GRAMD1B: variants seen among roughly 807,000 people sequenced by gnomAD.
The protein encoded by GRAMD1B is GRAM domain containing 1B, also known as protein Aster-B.
In GRAMD1B, 37 loss-of-function variants were observed where a neutral mutation model predicts 99.7. That is an observed-to-expected ratio of 0.37 (90% CI 0.29 to 0.49). The LOEUF (loss-of-function observed/expected upper bound fraction) is 0.49, where lower values mean the gene tolerates loss of function less well. GRAMD1B is among the 20% of genes least tolerant of loss of function. GRAMD1B has a pLI of 0.98. For synonymous variants in GRAMD1B, 427 were observed against 387.6 expected (o/e 1.10, Z -1.19); for missense variants, 888 against 1,009.2 (o/e 0.88, Z 1.63).
At chr11:123,594,316 C>T (rs927345428) in intron 5 of GRAMD1B, 150 bp downstream of exon 5, 2 of 655,114 alleles carry the variant, frequency 3.1e-6, no homozygotes, top group African/African-American at 3.6e-5. Flanking sequence ...CCCCAGCTGT[C>T]AGGGCTCGAG....
At chr11:123,554,587 G>A (rs1281522033) in intron 2 of GRAMD1B, among the ~76,000 whole-genome samples, 1 of 151,272 alleles carries the variant, frequency 6.6e-6, no homozygotes, top group Non-Finnish European at 1.5e-5. Flanking sequence ...GTGTGTGCCT[G>A]TAGCCCCAGC....
At chr11:123,513,185 T>C (rs1426579283) in intron 2 of GRAMD1B, among the ~76,000 whole-genome samples, 2 of 152,230 alleles carry the variant, frequency 1.3e-5, no homozygotes, top group Non-Finnish European at 2.9e-5. Context: ...TTCCCAGAAT[T>C]TCCCCTAGCC....
chr11:123,418,856 T>C (rs538368791), intron 1 of GRAMD1B, among the ~76,000 whole-genome samples: 2 of 152,296 alleles, frequency 1.3e-5, no homozygotes, highest in African/African-American at 4.8e-5. Flanking sequence ...CATTTTTTCA[T>C]TCATAGACAC....
chr11:123,526,276 G>A, intron 2 of GRAMD1B: 1 of 963,164 alleles, frequency 1.0e-6, no homozygotes, highest in Non-Finnish European at 1.6e-6. Flanking sequence ...ATCTCACCAG[G>A]CATCGAGGGG....
At chr11:123,519,702 G>A (rs1376664467) in intron 2 of GRAMD1B, among the ~76,000 whole-genome samples, 1 of 152,232 alleles carries the variant, frequency 6.6e-6, no homozygotes, top group Non-Finnish European at 1.5e-5. Flanking sequence ...CACATAGGGA[G>A]AGCAGCACAG....
chr11:123,492,566 G>C lies in GRAMD1B; in HGVS notation c.452+11673G>C, dbSNP rs761086828. ...CTCTTGGCCTCTGTAACTAGAAGAA[G>C]GAGATTTCCTGGAGGAGGAAGAGGT... On this transcript the variant is annotated intron_variant, in intron 2 of 19. Transcript: ENST00000635736. The surrounding 1 kb of genome is among the most constrained non-coding windows in gnomAD (Gnocchi z 4.2). Among the ~76,000 whole-genome samples the C allele has an allele frequency of 2.0e-5, 3 of 152,134 alleles. No individual in the cohort carries two copies. Among genetic ancestry groups the C allele is most frequent in the Non-Finnish European group, 2.9e-5 (2 of 68,020 alleles).
chr11:123,584,242 C>T, intron 3 of GRAMD1B, 70 bp from the exon 4 acceptor site: 1 of 832,804 alleles, frequency 1.2e-6, no homozygotes, highest in Non-Finnish European at 2.0e-6. Context: ...TCTGTGTGCC[C>T]TTCCCCCTGG....
intron 2 of GRAMD1B, among the ~76,000 whole-genome samples, chr11:123,552,026 A>C (rs576176772): frequency 1.3e-5 from 2 of 152,222 alleles, no homozygotes; most frequent in East Asian, 3.9e-4. Context: ...CCTCCCCAGG[A>C]ATCAACTCCA....
chr11:123,392,452 G>T (rs888247768), intron 1 of GRAMD1B, among the ~76,000 whole-genome samples: 6 of 151,658 alleles, frequency 4.0e-5, no homozygotes, highest in Non-Finnish European at 8.8e-5. Context: ...ACTCAATAAA[G>T]GTTGGTTGAC....
intron 1 of GRAMD1B, among the ~76,000 whole-genome samples, chr11:123,413,409 C>T (rs958332545): frequency 6.6e-5 from 10 of 151,870 alleles, no homozygotes; most frequent in African/African-American, 1.9e-4. Context: ...GCTGGGGTAA[C>T]GTGTATCGGA....
intron 1 of GRAMD1B, among the ~76,000 whole-genome samples, chr11:123,410,773 A>C (rs939507339): frequency 1.3e-5 from 2 of 152,174 alleles, no homozygotes; most frequent in African/African-American, 4.8e-5. Context: ...TAGAGTGAAG[A>C]GAGCAGACAG....
At chr11:123,420,671 T>C (rs1458343638) in intron 1 of GRAMD1B, among the ~76,000 whole-genome samples, 1 of 152,218 alleles carries the variant, frequency 6.6e-6, no homozygotes, top group Non-Finnish European at 1.5e-5. Flanking sequence ...ATCAACTACA[T>C]GTCTTCACAA....
intron 17 of GRAMD1B, among the ~76,000 whole-genome samples, chr11:123,616,246 C>T (rs1040459104): frequency 6.6e-6 from 1 of 152,122 alleles, no homozygotes; most frequent in Non-Finnish European, 1.5e-5. Flanking sequence ...GGCGTGAACC[C>T]GGGAGGTAGA....
intron 1 of GRAMD1B, among the ~76,000 whole-genome samples, chr11:123,465,624 C>G (rs1950620678): frequency 6.6e-6 from 1 of 151,588 alleles, no homozygotes; most frequent in African/African-American, 2.4e-5. Context: ...ACAAAATTAG[C>G]CGGGTGTGGT....
At position 123,587,664 on chromosome 11, in the gene GRAMD1B, A is replaced by C. The variant is rs894697290; in HGVS notation, c.684+3332A>C. ...AGCATTTCTGAGATCAGAGCACAGGAGCCCAGACCCTGGCAGCCGCCTGAG... is the reference window on the plus strand; with the variant it reads ...AGCATTTCTGAGATCAGAGCACAGGCGCCCAGACCCTGGCAGCCGCCTGAG... On this transcript the variant is annotated intron_variant, in intron 4 of 19. Transcript: ENST00000635736. This position sits in a 1 kb window ranked among gnomAD's most constrained non-coding sequence, Gnocchi z 4.2. 1.3e-5 allele frequency among the ~76,000 whole-genome samples: 2 copies of C among 152,170 alleles called. No homozygotes were observed. Among genetic ancestry groups the C allele is most frequent in the African/African-American group, 4.8e-5 (2 of 41,450 alleles).
chr11:123,379,131 T>A (rs1946787050), intron 1 of GRAMD1B, among the ~76,000 whole-genome samples: 1 of 152,194 alleles, frequency 6.6e-6, no homozygotes, highest in African/African-American at 2.4e-5. Flanking sequence ...ACCTTAGGAA[T>A]GTCTCCCAAA....
chr11:123,579,858 T>C (rs1949148941), intron 3 of GRAMD1B, among the ~76,000 whole-genome samples: 1 of 152,110 alleles, frequency 6.6e-6, no homozygotes, highest in African/African-American at 2.4e-5. Context: ...GAGTGGGGTT[T>C]TGGAGATGCT....
intron 1 of GRAMD1B, among the ~76,000 whole-genome samples, chr11:123,451,883 G>A (rs1162137848): frequency 6.6e-6 from 1 of 152,042 alleles, no homozygotes; most frequent in African/African-American, 2.4e-5. Flanking sequence ...GCCCAGGCTG[G>A]AGTACAGTGG....
rs907624064 is a variant in GRAMD1B at position 123,435,922 on chromosome 11, A to T, written c.374+4756A>T. On this transcript the variant is annotated intron_variant, in intron 1 of 19. Coordinates refer to ENST00000635736, the MANE Select transcript of GRAMD1B (RefSeq NM_001387025.1). ...AGTTTTTAAAAACGTTTGTTGCCCCACAAAGAAACTCATACTTTTTTTTTT... is the reference window on the plus strand; with the variant it reads ...AGTTTTTAAAAACGTTTGTTGCCCCTCAAAGAAACTCATACTTTTTTTTTT... 1.0e-3 allele frequency among the ~76,000 whole-genome samples: 153 copies of T among 150,400 alleles called. 1 individual carries two copies. The highest frequency in any genetic ancestry group is 3.6e-3 in the African/African-American group (147 of 41,088).
Sources: gnomAD v4.1 joint callset for allele counts (sites outside exome capture counted in the v4.1 genomes callset) on GRCh38, gnomAD v4.1.1 for gene constraint, Gnocchi (gnomAD v3.1) non-coding constraint, MANE v1.5 for transcripts, NCBI Gene and HGNC (gene_info 2026-07-23, HGNC 2026-07-21) for gene names.